The following MED26 variants were observed in gnomAD, a reference collection of about 807,000 sequenced individuals.
The protein encoded by MED26 is mediator of RNA polymerase II transcription subunit 26.
In MED26, 7 loss-of-function variants were observed where a neutral mutation model predicts 43.7. The observed-to-expected ratio is 0.16, with a 90% CI of 0.09 to 0.30. The LOEUF (loss-of-function observed/expected upper bound fraction) is 0.30. Among genes scored for constraint, MED26 ranks in the 10% least tolerant of loss-of-function variants. The pLI is 1.00. For synonymous variants in MED26, 375 were observed against 371.1 expected, an observed-to-expected ratio of 1.01 and a Z score of -0.12; for missense variants, 784 against 840.6, an observed-to-expected ratio of 0.93 and a Z score of 0.83.
Position 16,575,932 on chromosome 19 carries a change from G to T in MED26, c.*95C>A. On this transcript the variant is annotated 3_prime_UTR_variant, in exon 3 of 3. Transcript: ENST00000263390. ...GGGCCGGACTCCCCGAGTTCCCAGC[G>T]CAGGAGGCAGCTGGGCCCCGGCCAC... 1 of 1,101,604 alleles carries T rather than the reference G, an allele frequency of 9.1e-7. No homozygotes were observed. The highest frequency in any genetic ancestry group is 1.5e-5 in the South Asian group (1 of 68,114). The allele number at this position is 1,101,604 out of a possible 1,614,324, so 68.2% of individuals were successfully genotyped here. A position where few individuals can be genotyped will look rare whatever the true frequency, so the allele number is the denominator to read the frequency against.
rs1394282640 is a variant in MED26 at position 16,614,784 on chromosome 19, A to C, written c.72+13088T>G. Among the ~76,000 whole-genome samples, 5 of 152,234 alleles carry C rather than the reference A, an allele frequency of 3.3e-5. No individual in the cohort carries two copies. The East Asian group carries it at 7.7e-4, about 23-fold the overall frequency. Reference sequence around the variant, plus strand: ...CCATGGGAGGAATCCAAAGGGCTGAAGGTTGGAGAGAGCCAAGTAACCATC... The same window carrying C: ...CCATGGGAGGAATCCAAAGGGCTGACGGTTGGAGAGAGCCAAGTAACCATC... On this transcript the variant is annotated intron_variant, in intron 1 of 2. Transcript: ENST00000263390.
At chr19:16,599,347 T>C (rs772240076) in intron 1 of MED26, among the ~76,000 whole-genome samples, 55 of 152,216 alleles carry the variant, frequency 3.6e-4, no homozygotes, top group African/African-American at 6.8e-4. Flanking sequence ...CTTTGCTTTA[T>C]TTATCAGCAG....
intron 1 of MED26, among the ~76,000 whole-genome samples, chr19:16,607,836 C>T (rs2086181168): frequency 6.6e-6 from 1 of 152,246 alleles, no homozygotes; most frequent in Admixed American, 6.5e-5. Context: ...GATTGGACAC[C>T]CCGATCTAGA....
chr19:16,598,322 G>GT (rs1306026332), intron 1 of MED26, among the ~76,000 whole-genome samples: 2 of 107,240 alleles, frequency 1.9e-5, no homozygotes, highest in East Asian at 5.9e-4. Context: ...GGGCGACAGA[G>GT]TAAGATTCCA....
At chr19:16,595,038 T>C (rs918467678) in intron 1 of MED26, among the ~76,000 whole-genome samples, 2 of 152,230 alleles carry the variant, frequency 1.3e-5, no homozygotes, top group East Asian at 1.9e-4. Context: ...CAGTCTCAAC[T>C]TCCTCCACTT....
intron 2 of MED26, 162 bp downstream of exon 2, chr19:16,578,173 G>T: frequency 1.4e-6 from 1 of 713,670 alleles, no homozygotes; most frequent in Admixed American, 2.4e-5. Flanking sequence ...CAGTGCCCGT[G>T]GGAGAGCAAG....
At chr19:16,624,594 C>G (rs1568292476) in intron 1 of MED26, 1 of 152,234 alleles carries the variant, frequency 6.6e-6, no homozygotes, top group Non-Finnish European at 1.5e-5. Context: ...TACTATTCGT[C>G]GGACCTTTCC....
Position 16,578,421 on chromosome 19 carries a change from A to G in MED26, c.73-12T>C, listed in dbSNP as rs745740273. The G allele has an allele frequency of 6.2e-7, 1 of 1,613,678 alleles. No homozygotes were observed. Among genetic ancestry groups the G allele is most frequent in the Non-Finnish European group, 8.5e-7 (1 of 1,179,846 alleles). ...ACCATGTTCCGGATCTGTGGAAATA[A>G]AAAGCCATTTGTCAGGTCCCTGTCC... On this transcript the variant is annotated splice_polypyrimidine_tract_variant and intron_variant, in intron 1 of 2. Coordinates refer to ENST00000263390, the MANE Select transcript of MED26 (RefSeq NM_004831.5).
intron 1 of MED26, among the ~76,000 whole-genome samples, chr19:16,600,701 C>G (rs2086144460): frequency 6.6e-6 from 1 of 152,160 alleles, no homozygotes; most frequent in Non-Finnish European, 1.5e-5. Flanking sequence ...GAGAATCCCA[C>G]AGGCCCTCCT....
chr19:16,588,384 A>G (rs957711172), intron 1 of MED26: 1 of 152,368 alleles, frequency 6.6e-6, no homozygotes, highest in Non-Finnish European at 1.5e-5. Context: ...CTTTTCAGGA[A>G]TCAACAGGGA....
Position 16,576,843 on chromosome 19 carries a change from G to C in MED26, c.987C>G (p.Leu329=), listed in dbSNP as rs1186628555. 1 of 1,610,170 alleles carries C rather than the reference G, an allele frequency of 6.2e-7. No homozygotes were observed. The highest frequency in any genetic ancestry group is 8.5e-7 in the Non-Finnish European group (1 of 1,178,762). ...GGCTTTCCGCACTGGGCAGCAGCTC[G>C]AGCCGCCGTACGGGGGGTGTGGACG... The part of the protein sequence containing the change: ...AQPSTPPVRR[L]ELLPSAESPV... Residue 329 remains leucine (L), a synonymous_variant, in exon 3 of 3, where the codon CTC becomes CTG. Transcript: ENST00000263390. This position sits in a 1 kb window ranked among gnomAD's most constrained non-coding sequence, Gnocchi z 6.8.
intron 1 of MED26, among the ~76,000 whole-genome samples, chr19:16,593,057 C>T (rs1308175622): frequency 6.6e-6 from 1 of 152,228 alleles, no homozygotes; most frequent in African/African-American, 2.4e-5. Flanking sequence ...GCCCACCAAT[C>T]CAGACACCAG....
intron 1 of MED26, chr19:16,610,250 T>C (rs1807778253): frequency 1.3e-5 from 2 of 152,076 alleles, no homozygotes; most frequent in South Asian, 4.1e-4. Context: ...AGTAAAGTTT[T>C]TAGAGCAAGA....
intron 1 of MED26, among the ~76,000 whole-genome samples, chr19:16,586,000 G>A (rs1254521046): frequency 1.3e-5 from 2 of 152,204 alleles, no homozygotes; most frequent in African/African-American, 4.8e-5. Flanking sequence ...AAGGAACTGA[G>A]ACTGAGTTTT....
chr19:16,586,769 C>T lies in MED26; in HGVS notation c.73-8360G>A, dbSNP rs2086072591. ...ACCCTGGACGGTGGGCGGCACTGCC[C>T]TGGCAGCCTGTGGGCCCGCACCTGT... On this transcript the variant is annotated intron_variant, in intron 1 of 2. Coordinates refer to ENST00000263390, the MANE Select transcript of MED26 (RefSeq NM_004831.5). The surrounding 1 kb of genome is among the most constrained non-coding windows in gnomAD (Gnocchi z 5.1). 2 of 152,384 alleles carry T rather than the reference C, an allele frequency of 1.3e-5. No homozygotes were observed. Among genetic ancestry groups the T allele is most frequent in the Admixed American group, 6.5e-5 (1 of 15,302 alleles). 9.4% of individuals were successfully genotyped at this position (152,384 alleles called of 1,614,324 possible).
chr19:16,576,748 G>T lies in MED26; in HGVS notation c.1082C>A (p.Ser361Tyr). Residue 361 changes from serine (S) to tyrosine (Y), a missense_variant, in exon 3 of 3, where the codon TCC becomes TAC. Ser to Tyr is a moderately radical substitution (Grantham distance 144). This residue lies in a region of MED26 where 719 missense variants were observed against 730.9 expected (regional missense o/e 0.98). Coordinates refer to ENST00000263390, the MANE Select transcript of MED26 (RefSeq NM_004831.5). This position sits in a 1 kb window ranked among gnomAD's most constrained non-coding sequence, Gnocchi z 6.8. ...CCGGGACAGGAGGGGCTCGGCTGGG[G>T]ACAGCCCTGCCTTGCAGCCCGGCCC... ...LAGPGCKAGL[S>Y]PAEPLLSRAG... 1 of 1,609,126 alleles carries T rather than the reference G, an allele frequency of 6.2e-7. No homozygotes were observed. Among genetic ancestry groups the T allele is most frequent in the Non-Finnish European group, 8.5e-7 (1 of 1,179,624 alleles).
At chr19:16,590,900 C>CACCT (rs201313526) in intron 1 of MED26, among the ~76,000 whole-genome samples, 1 of 144,742 alleles carries the variant, frequency 6.9e-6, no homozygotes, top group Admixed American at 7.8e-5. Flanking sequence ...ATTAGCCAGG[C>CACCT]GTGGTGGCAG....
chr19:16,585,618 ACTTT>A (rs369456370), intron 1 of MED26, among the ~76,000 whole-genome samples: 185 of 152,206 alleles, frequency 1.2e-3, no homozygotes, highest in Non-Finnish European at 2.3e-3. Context: ...GCCACTCAGA[ACTTT>A]CTTTCCAGGT....
At chr19:16,627,846 TC>T in intron 1 of MED26, 25 bp downstream of exon 1, 1 of 1,465,194 alleles carries the variant, frequency 6.8e-7, no homozygotes, top group South Asian at 1.3e-5. Flanking sequence ...GCGGCCTCCG[TC>T]CCAGCTCGCG....
Sources: gnomAD v4.1 joint callset for allele counts (sites outside exome capture counted in the v4.1 genomes callset) on GRCh38, gnomAD v4.1.1 for gene constraint, gnomAD v4.1.1 regional missense constraint, Gnocchi (gnomAD v3.1) non-coding constraint, MANE v1.5 for transcripts, NCBI Gene and HGNC (gene_info 2026-07-23, HGNC 2026-07-21) for gene names.